Variants in CREB1 observed in about 807,000 individuals in gnomAD.
The protein encoded by CREB1 is cyclic AMP-responsive element-binding protein 1.
In CREB1, 2 loss-of-function variants were observed where a neutral mutation model predicts 42.0. That is an observed-to-expected ratio of 0.05 (90% CI 0.02 to 0.15). The LOEUF is 0.15. CREB1 is among the 10% of genes least tolerant of loss of function. The probability of loss-of-function intolerance (pLI) is 1.00; values close to 1 mark genes in which losing one functional copy is unlikely to be tolerated. For synonymous variants in CREB1, 123 were observed against 139.9 expected, an observed-to-expected ratio of 0.88 and a Z score of 0.85; for missense variants, 199 against 388.9, an observed-to-expected ratio of 0.51 and a Z score of 4.11.
At chr2:207,543,332 G>T (rs2081169922) in intron 1 of CREB1, among the ~76,000 whole-genome samples, 1 of 152,144 alleles carries the variant, frequency 6.6e-6, no homozygotes. Flanking sequence ...TATTTATTAT[G>T]AGAGAATTTA....
chr2:207,575,212 A>G, intron 5 of CREB1, 60 bp from the exon 6 acceptor site: 2 of 1,472,536 alleles, frequency 1.4e-6, no homozygotes, highest in South Asian at 1.3e-5. Flanking sequence ...CATTGGATGT[A>G]ATGTTTTAAA....
At chr2:207,595,283 C>T (rs753392211) in intron 7 of CREB1, among the ~76,000 whole-genome samples, 10 of 151,746 alleles carry the variant, frequency 6.6e-5, no homozygotes, top group Non-Finnish European at 8.8e-5. Context: ...CATGAGCCAC[C>T]GCACCCAGCC....
At chr2:207,539,363 G>A (rs1038543567) in intron 1 of CREB1, among the ~76,000 whole-genome samples, 36 of 151,834 alleles carry the variant, frequency 2.4e-4, no homozygotes, top group African/African-American at 8.7e-4. Flanking sequence ...TCTTAAAGGG[G>A]AGTCATTTTC....
rs2087422629 is a variant in CREB1, at chr2:207,603,262, G to A, written c.*6204G>A. On this transcript the variant is annotated 3_prime_UTR_variant, in exon 8 of 8. Coordinates refer to ENST00000353267, the MANE Select transcript of CREB1 (RefSeq NM_004379.5). ...ACACTATGTACATAATAGCTGCTTT[G>A]TGTTCAGAATAGTAGCAGTTGCTTT... 1 of 221,694 alleles carries A rather than the reference G, an allele frequency of 4.5e-6. No individual in the cohort carries two copies. The highest frequency in any genetic ancestry group is 9.0e-6 in the Non-Finnish European group (1 of 110,968). 13.7% of individuals were successfully genotyped at this position (221,694 alleles called of 1,614,324 possible).
chr2:207,545,893 C>A (rs1360637719), intron 1 of CREB1, among the ~76,000 whole-genome samples: 2 of 152,074 alleles, frequency 1.3e-5, no homozygotes, highest in Non-Finnish European at 2.9e-5. Context: ...GCCACCACGC[C>A]TGGCTAATTT....
intron 7 of CREB1, among the ~76,000 whole-genome samples, chr2:207,595,524 C>T (rs901839724): frequency 5.9e-5 from 9 of 151,884 alleles, no homozygotes; most frequent in Non-Finnish European, 1.3e-4. Flanking sequence ...GGCCTCCAAC[C>T]TCAGCTTCCT....
At chr2:207,566,683 T>C (rs2082152902) in intron 3 of CREB1, among the ~76,000 whole-genome samples, 1 of 152,164 alleles carries the variant, frequency 6.6e-6, no homozygotes. Context: ...TCTTTGTGCC[T>C]TAGTTCTTCC....
In CREB1 at chr2:207,604,022, C is replaced by A. The variant is rs1401489400; in HGVS notation, c.*6964C>A. On this transcript the variant is annotated 3_prime_UTR_variant, in exon 8 of 8. Transcript: ENST00000353267. The stretch of plus-strand genomic sequence containing the variant: ...AATGAATTTCATTTATTTTCTGCAA[C>A]AACGATTACAGAATTTATTGCACAA... Among the ~76,000 whole-genome samples the A allele has an allele frequency of 1.3e-5, 2 of 152,286 alleles. No individual in the cohort carries two copies. Among genetic ancestry groups the A allele is most frequent in the South Asian group, 4.1e-4 (2 of 4,822 alleles).
intron 7 of CREB1, among the ~76,000 whole-genome samples, chr2:207,589,068 C>T (rs2084464852): frequency 6.6e-6 from 1 of 152,064 alleles, no homozygotes; most frequent in African/African-American, 2.4e-5. Context: ...TTGCCCTATT[C>T]TTGATCTTAG....
rs1217185138 is a variant in CREB1 at position 207,598,390 on chromosome 2, CA to C, written c.*1333del. 5.5e-6 allele frequency: 1 copy of C among 181,382 alleles called. No homozygotes were observed. Among genetic ancestry groups the C allele is most frequent in the African/African-American group, 2.4e-5 (1 of 42,176 alleles). 11.2% of individuals were successfully genotyped at this position (181,382 alleles called of 1,614,324 possible). A position where few individuals can be genotyped will look rare whatever the true frequency, so the allele number is the denominator to read the frequency against. ...TTATAATTTTAATTCCTGATTAAAA[CA>C]GTCTGTATTTGTGTATATCATACAT... is the stretch of plus-strand genomic sequence containing the variant. On this transcript the variant is annotated 3_prime_UTR_variant, in exon 8 of 8. Transcript: ENST00000353267.
At chr2:207,593,032 TTTG>T (rs1256966119) in intron 7 of CREB1, among the ~76,000 whole-genome samples, 1 of 152,244 alleles carries the variant, frequency 6.6e-6, no homozygotes, top group East Asian at 1.9e-4. Flanking sequence ...CACACAGCTT[TTTG>T]TTGTTCTGTC....
intron 3 of CREB1, among the ~76,000 whole-genome samples, chr2:207,561,649 A>G (rs928011021): frequency 3.3e-5 from 5 of 151,458 alleles, no homozygotes; most frequent in East Asian, 1.9e-4. Flanking sequence ...TAAACAAACT[A>G]TTTTTCTTTA....
Position 207,597,192 on chromosome 2 carries a change from G to C in CREB1, c.*134G>C. 1.1e-6 allele frequency: 1 copy of C among 924,536 alleles called. No homozygotes were observed. The highest frequency in any genetic ancestry group is 1.5e-6 in the Non-Finnish European group (1 of 650,252). 57.3% of individuals were successfully genotyped at this position (924,536 alleles called of 1,614,324 possible). The stretch of plus-strand genomic sequence containing the variant: ...GCAAAACTGCCTGAAAGCAACTACA[G>C]AATTTCATTCATTTGTGCTTTTGCA... On this transcript the variant is annotated 3_prime_UTR_variant, in exon 8 of 8. Transcript: ENST00000353267.
At chr2:207,588,733 T>G (rs2084364832) in intron 7 of CREB1, among the ~76,000 whole-genome samples, 1 of 145,460 alleles carries the variant, frequency 6.9e-6, no homozygotes, top group South Asian at 2.1e-4. Context: ...TTCTGGTTTT[T>G]TTTTTTTTTG....
Position 207,570,172 on chromosome 2 carries a change from T to A in CREB1, c.363-7T>A, listed in dbSNP as rs751274381. On this transcript the variant is annotated splice_polypyrimidine_tract_variant and splice_region_variant and intron_variant, in intron 4 of 7. Coordinates refer to ENST00000353267, the MANE Select transcript of CREB1 (RefSeq NM_004379.5). The stretch of plus-strand genomic sequence containing the variant: ...TTTTTAATTATTCTAGTTTTCTAAT[T>A]TTGTAGGAAAATTTTGAATGACTTA... 4 of 1,593,608 alleles carry A rather than the reference T, an allele frequency of 2.5e-6. No individual in the cohort carries two copies. In the African/African-American group the frequency reaches 5.4e-5, roughly 22 times the overall value.
intron 2 of CREB1, 89 bp downstream of exon 2, chr2:207,555,838 C>A: frequency 1.3e-6 from 1 of 760,016 alleles, no homozygotes; most frequent in Non-Finnish European, 2.2e-6. Flanking sequence ...CATAGATATA[C>A]ATAGAATGAG....
intron 7 of CREB1, among the ~76,000 whole-genome samples, chr2:207,586,410 C>G (rs899730721): frequency 1.2e-4 from 19 of 152,136 alleles, no homozygotes; most frequent in African/African-American, 4.3e-4. Context: ...ACCCAAAAAT[C>G]CACTCCAAGT....
intron 1 of CREB1, among the ~76,000 whole-genome samples, chr2:207,530,764 G>A (rs1306732762): frequency 6.6e-6 from 1 of 151,900 alleles, no homozygotes; most frequent in African/African-American, 2.4e-5. Context: ...AAGGGGAAGA[G>A]CTGCAACGTC....
In CREB1 at chr2:207,601,685, G is replaced by C; in HGVS notation, c.*4627G>C. 4.7e-6 allele frequency: 1 copy of C among 213,742 alleles called. No individual in the cohort carries two copies. The highest frequency in any genetic ancestry group is 9.4e-6 in the Non-Finnish European group (1 of 105,858). The allele number at this position is 213,742 out of a possible 1,614,324, so 13.2% of individuals were successfully genotyped here. On this transcript the variant is annotated 3_prime_UTR_variant, in exon 8 of 8. Transcript: ENST00000353267. ...GCAATTGTCCTCACAGAGACCACAT[G>C]TAATATACTGAAATATGTTCATTTT...
Sources: allele counts gnomAD v4.1 joint callset (sites outside exome capture counted in the v4.1 genomes callset), GRCh38; gene constraint gnomAD v4.1.1; transcripts MANE v1.5; gene names NCBI Gene and HGNC (gene_info 2026-07-23, HGNC 2026-07-21).